BANK1: variants seen among roughly 807,000 people sequenced by gnomAD.
The protein encoded by BANK1 is B cell scaffold protein with ankyrin repeats 1.
BANK1 carries 95 observed loss-of-function variants against 94.5 expected under a neutral mutation model. That is an observed-to-expected ratio of 1.00 (90% CI 0.85 to 1.19). The LOEUF (loss-of-function observed/expected upper bound fraction) is 1.19. Among genes scored for constraint, BANK1 ranks in the 50% most tolerant of loss-of-function variants. The pLI is 0.00. For synonymous variants in BANK1, 334 were observed against 308.4 expected (o/e 1.08, Z -0.87); for missense variants, 987 against 932.2 (o/e 1.06, Z -0.77).
chr4:102,051,820 G>C (rs1253448735), intron 11 of BANK1, among the ~76,000 whole-genome samples: 1 of 152,126 alleles, frequency 6.6e-6, no homozygotes, highest in Non-Finnish European at 1.5e-5. Context: ...CACTTGGCTG[G>C]TCCTGGGACT....
At chr4:101,905,281 G>T (rs1405288431) in intron 6 of BANK1, among the ~76,000 whole-genome samples, 2 of 152,212 alleles carry the variant, frequency 1.3e-5, no homozygotes, top group Non-Finnish European at 2.9e-5. Context: ...TTTTGCGGGG[G>T]TTCCCCAGGC....
At chr4:101,864,435 T>C (rs1460042467) in intron 4 of BANK1, among the ~76,000 whole-genome samples, 1 of 152,220 alleles carries the variant, frequency 6.6e-6, no homozygotes, top group Non-Finnish European at 1.5e-5. Context: ...ACAAAGGTTT[T>C]ACAAGTAATA....
chr4:102,052,362 C>T (rs1439636056), intron 11 of BANK1, among the ~76,000 whole-genome samples: 1 of 151,880 alleles, frequency 6.6e-6, no homozygotes, highest in African/African-American at 2.4e-5. Flanking sequence ...ATGATCCACC[C>T]ACCTCGGCCT....
At position 101,900,093 on chromosome 4, in the gene BANK1, T is replaced by C. The variant is rs560044086; in HGVS notation, c.1009+4683T>C. Among the ~76,000 whole-genome samples, 7 of 152,296 alleles carry C rather than the reference T, an allele frequency of 4.6e-5. No homozygotes were observed. In the East Asian group the frequency reaches 1.3e-3, roughly 29 times the overall value. On this transcript the variant is annotated intron_variant, in intron 6 of 16. Transcript: ENST00000322953. ...GAAAAAGGTAAGCCTGTGGACATAG[T>C]ATTTTCTCCCAATTAGAACACCTTG...
At chr4:102,060,486 T>G in intron 12 of BANK1, 97 bp downstream of exon 12, 1 of 1,342,376 alleles carries the variant, frequency 7.4e-7, no homozygotes, top group Non-Finnish European at 1.0e-6. Flanking sequence ...GTAACTGTTC[T>G]TTCATTTTTA....
intron 11 of BANK1, among the ~76,000 whole-genome samples, chr4:102,049,821 G>A (rs1277664882): frequency 1.3e-5 from 2 of 152,228 alleles, no homozygotes; most frequent in African/African-American, 4.8e-5. Flanking sequence ...GCGCAAGCAT[G>A]TGCACTAAGA....
intron 1 of BANK1, among the ~76,000 whole-genome samples, chr4:101,806,129 T>C (rs1357372464): frequency 1.3e-5 from 2 of 151,978 alleles, no homozygotes; most frequent in Non-Finnish European, 2.9e-5. Flanking sequence ...ATTGAAAATA[T>C]GTAATAAAAA....
chr4:101,934,616 C>T (rs1031871527), intron 7 of BANK1, among the ~76,000 whole-genome samples: 1 of 151,508 alleles, frequency 6.6e-6, no homozygotes, highest in African/African-American at 2.4e-5. Flanking sequence ...AGCCTCCTAA[C>T]TAATGTAGTC....
In BANK1 at chr4:102,025,452, C is replaced by A. The variant is rs150848399; in HGVS notation, c.1537C>A (p.Pro513Thr). ...PLMSSRPPLP[P>T]PRPVANAFQL... is the part of the protein sequence containing the mutation. The stretch of plus-strand genomic sequence containing the variant: ...CATGAGCAGCAGACCTCCTCTCCCC[C>A]CGCCGCGACCTGTAGCTAATGCCTT... The change falls in exon 9 of 17, where the codon CCG becomes ACG. Residue 513 changes from proline to threonine, a missense_variant. Transcript: ENST00000322953. The A allele has an allele frequency of 3.1e-6, 5 of 1,614,000 alleles. No homozygotes were observed. Among genetic ancestry groups the A allele is most frequent in the African/African-American group, 1.3e-5 (1 of 74,904 alleles).
At chr4:102,064,245 A>G (rs942538868) in intron 13 of BANK1, among the ~76,000 whole-genome samples, 1 of 152,140 alleles carries the variant, frequency 6.6e-6, no homozygotes, top group African/African-American at 2.4e-5. Flanking sequence ...TTTTTTCTAG[A>G]GAGAATTCTT....
chr4:101,840,934 A>G (rs1343420878), intron 2 of BANK1, among the ~76,000 whole-genome samples: 1 of 152,100 alleles, frequency 6.6e-6, no homozygotes, highest in Non-Finnish European at 1.5e-5. Flanking sequence ...GGTTCAACCA[A>G]TTATACCTCA....
chr4:101,802,586 AT>A (rs1725392460), intron 1 of BANK1, among the ~76,000 whole-genome samples: 1 of 152,170 alleles, frequency 6.6e-6, no homozygotes, highest in Non-Finnish European at 1.5e-5. Context: ...CTAAGGATGT[AT>A]TTTGTGTTTG....
At chr4:102,048,832 A>G (rs1416575011) in intron 11 of BANK1, among the ~76,000 whole-genome samples, 1 of 152,200 alleles carries the variant, frequency 6.6e-6, no homozygotes, top group Non-Finnish European at 1.5e-5. Context: ...GGAAGAAAAA[A>G]ATAATTAATT....
chr4:101,951,401 A>G (rs1371967115), intron 7 of BANK1, among the ~76,000 whole-genome samples: 1 of 152,128 alleles, frequency 6.6e-6, no homozygotes, highest in Non-Finnish European at 1.5e-5. Context: ...CTATTCAAGG[A>G]CCATTTTCAA....
At chr4:101,866,148 T>G in intron 4 of BANK1, among the ~76,000 whole-genome samples, 1 of 151,994 alleles carries the variant, frequency 6.6e-6, no homozygotes. Flanking sequence ...TAAAAAGAGA[T>G]AAACTTTGAG....
chr4:101,805,732 C>G (rs1725529877), intron 1 of BANK1, among the ~76,000 whole-genome samples: 1 of 151,460 alleles, frequency 6.6e-6, no homozygotes. Context: ...CATGAACAGC[C>G]TCAGAGTTCT....
chr4:101,899,739 A>G (rs1722212105), intron 6 of BANK1, among the ~76,000 whole-genome samples: 1 of 152,176 alleles, frequency 6.6e-6, no homozygotes, highest in Admixed American at 6.6e-5. Flanking sequence ...CTAAACAACA[A>G]GGTTGATACC....
At chr4:101,979,077 T>C (rs1212716651) in intron 7 of BANK1, among the ~76,000 whole-genome samples, 1 of 151,994 alleles carries the variant, frequency 6.6e-6, no homozygotes, top group African/African-American at 2.4e-5. Flanking sequence ...GTAATGCAAA[T>C]GTTAGGCACA....
At chr4:101,833,939 G>A (rs1003905619) in intron 2 of BANK1, among the ~76,000 whole-genome samples, 2 of 151,996 alleles carry the variant, frequency 1.3e-5, no homozygotes, top group Admixed American at 1.3e-4. Flanking sequence ...TGTTACAATA[G>A]GAAAATTATT....
Sources: allele counts gnomAD v4.1 joint callset (sites outside exome capture counted in the v4.1 genomes callset), GRCh38; gene constraint gnomAD v4.1.1; transcripts MANE v1.5; gene names NCBI Gene and HGNC (gene_info 2026-07-23, HGNC 2026-07-21).